Variants in ANP32B observed in about 807,000 individuals in gnomAD.
The protein encoded by ANP32B is acidic nuclear phosphoprotein 32 family member B, also known as acidic leucine-rich nuclear phosphoprotein 32 family member B.
ANP32B carries 6 observed loss-of-function variants against 32.2 expected under a neutral mutation model. That is an observed-to-expected ratio of 0.19 (90% confidence interval 0.10 to 0.37). The LOEUF (loss-of-function observed/expected upper bound fraction) is 0.37. ANP32B is among the 10% of genes least tolerant of loss of function. ANP32B has a pLI of 1.00. For missense variants in ANP32B, 204 were observed against 289.2 expected (o/e 0.71, Z 2.14); for synonymous variants, 98 against 105.8 (o/e 0.93, Z 0.45).
chr9:97,990,348 CT>C (rs2131581995), intron 1 of ANP32B, among the ~76,000 whole-genome samples: 1 of 152,358 alleles, frequency 6.6e-6, no homozygotes, highest in African/African-American at 2.4e-5. Context: ...CTGTTAAGAA[CT>C]TTCAACAACC....
intron 2 of ANP32B, among the ~76,000 whole-genome samples, chr9:97,996,696 C>T (rs1004139517): frequency 6.6e-5 from 10 of 151,968 alleles, no homozygotes; most frequent in African/African-American, 2.2e-4. Context: ...CAGGTTCAAG[C>T]GATTCTCCTG....
intron 6 of ANP32B, among the ~76,000 whole-genome samples, chr9:98,013,619 C>G (rs1048002352): frequency 2.6e-5 from 4 of 152,058 alleles, no homozygotes; most frequent in African/African-American, 9.7e-5. Flanking sequence ...TTAGCTGGGA[C>G]CGGGTGTGGT....
intron 1 of ANP32B, among the ~76,000 whole-genome samples, chr9:97,985,309 AG>A (rs1474303048): frequency 1.3e-5 from 2 of 151,942 alleles, no homozygotes; most frequent in South Asian, 2.1e-4. Context: ...CTAGTCTTTG[AG>A]GTCACCACTA....
intron 2 of ANP32B, among the ~76,000 whole-genome samples, chr9:97,997,455 A>C (rs564432298): frequency 6.6e-6 from 1 of 152,294 alleles, no homozygotes; most frequent in South Asian, 2.1e-4. Flanking sequence ...CTTTCATGCT[A>C]TTCTAGGTAC....
At chr9:97,991,688 C>T (rs187403273) in intron 1 of ANP32B, among the ~76,000 whole-genome samples, 56 of 152,302 alleles carry the variant, frequency 3.7e-4, no homozygotes, top group Non-Finnish European at 7.3e-5. Flanking sequence ...GAACTCTTAA[C>T]TAATAACACA....
chr9:98,015,827 A>C lies in ANP32B; in HGVS notation c.*396A>C, dbSNP rs745539615. 12 of 976,944 alleles carry C rather than the reference A, an allele frequency of 1.2e-5. No homozygotes were observed. The highest frequency in any genetic ancestry group is 1.5e-5 in the Non-Finnish European group (12 of 821,978). The allele number at this position is 976,944 out of a possible 1,614,324, so 60.5% of individuals were successfully genotyped here. A position where few individuals can be genotyped will look rare whatever the true frequency, so the allele number is the denominator to read the frequency against. On this transcript the variant is annotated 3_prime_UTR_variant, in exon 7 of 7. Transcript: ENST00000339399. ...CTTAACATTTTGGGTCTGTTTTTTC[A>C]TGCTTTGCTTTTTAATTATTATTAT...
intron 3 of ANP32B, among the ~76,000 whole-genome samples, chr9:98,001,942 C>G (rs1827999743): frequency 6.6e-6 from 1 of 152,142 alleles, no homozygotes; most frequent in South Asian, 2.1e-4. Context: ...GGCTGAATCC[C>G]TTGTCCAGAG....
At chr9:97,984,227 C>G (rs1370185641) in intron 1 of ANP32B, among the ~76,000 whole-genome samples, 1 of 149,736 alleles carries the variant, frequency 6.7e-6, no homozygotes, top group Non-Finnish European at 1.5e-5. Flanking sequence ...CGCGGCCCGG[C>G]GCGCGGAGCG....
chr9:97,989,691 A>G (rs1255586770), intron 1 of ANP32B, among the ~76,000 whole-genome samples: 2 of 152,180 alleles, frequency 1.3e-5, no homozygotes, highest in African/African-American at 4.8e-5. Flanking sequence ...TCTTGACCCC[A>G]GCTCCACTCA....
intron 6 of ANP32B, among the ~76,000 whole-genome samples, chr9:98,013,706 C>G (rs1439927762): frequency 6.6e-6 from 1 of 151,994 alleles, no homozygotes; most frequent in East Asian, 1.9e-4. Flanking sequence ...CGAGAGCAGC[C>G]TGGCCAACAT....
In ANP32B at chr9:98,012,745, T is replaced by G. The variant is rs1180649834; in HGVS notation, c.688+273T>G. 2.6e-5 allele frequency among the ~76,000 whole-genome samples: 4 copies of G among 152,020 alleles called. No homozygotes were observed. In the East Asian group the frequency reaches 5.8e-4, roughly 22 times the overall value. On this transcript the variant is annotated intron_variant, in intron 6 of 6. Transcript: ENST00000339399. ...CGGGGTGGTGGTGGTGGTGGTGGTG[T>G]TTTGAGACGGAATCTCGCTCTGTTG...
chr9:98,011,500 A>G, intron 5 of ANP32B, 111 bp downstream of exon 5: 2 of 1,383,266 alleles, frequency 1.4e-6, no homozygotes, highest in Non-Finnish European at 1.9e-6. Context: ...AAATTAGTAT[A>G]CCTGTGAATA....
intron 1 of ANP32B, among the ~76,000 whole-genome samples, chr9:97,985,002 G>C (rs1031968437): frequency 1.3e-5 from 2 of 150,794 alleles, no homozygotes; most frequent in African/African-American, 4.9e-5. Flanking sequence ...CGTGGGCGTG[G>C]GTCCGACCTG....
At position 97,983,483 on chromosome 9, in the gene ANP32B, C is replaced by T. The variant is rs3739673; in HGVS notation, c.-73C>T. 5,242 of 1,381,206 alleles carry T rather than the reference C, an allele frequency of 3.8e-3. 93 individuals are homozygous for T. Among genetic ancestry groups the T allele is most frequent in the East Asian group, 0.024 (897 of 37,290 alleles). The allele number at this position is 1,381,206 out of a possible 1,614,324, so 85.6% of individuals were successfully genotyped here. A position where few individuals can be genotyped will look rare whatever the true frequency, so the allele number is the denominator to read the frequency against. On this transcript the variant is annotated 5_prime_UTR_variant, in exon 1 of 7. Coordinates refer to ENST00000339399, the MANE Select transcript of ANP32B (RefSeq NM_006401.3). ...AACCCTTCCGACGGCCCTCGCTGCGCAAGCCGGGACGCCTCTCCCCCCTCC... is the reference window on the plus strand; with the variant it reads ...AACCCTTCCGACGGCCCTCGCTGCGTAAGCCGGGACGCCTCTCCCCCCTCC...
At chr9:98,011,651 A>C (rs933829688) in intron 5 of ANP32B, among the ~76,000 whole-genome samples, 4 of 152,206 alleles carry the variant, frequency 2.6e-5, no homozygotes, top group African/African-American at 9.7e-5. Context: ...GAATGAATTG[A>C]GTATTCAGTG....
chr9:97,984,159 G>A (rs1394107194), intron 1 of ANP32B, among the ~76,000 whole-genome samples: 2 of 150,516 alleles, frequency 1.3e-5, no homozygotes, highest in Non-Finnish European at 3.0e-5. Context: ...CGAGGAGGGG[G>A]CTTTTTTCTT....
rs1827919978 is a variant in ANP32B at position 97,997,224 on chromosome 9, T to C, written c.205-1332T>C. ...TGACTCTATTGATTATGGGCTTATG[T>C]TTTTAAACCTAGACCATGACTATTT... On this transcript the variant is annotated intron_variant, in intron 2 of 6. Coordinates refer to ENST00000339399, the MANE Select transcript of ANP32B (RefSeq NM_006401.3). 3.3e-5 allele frequency among the ~76,000 whole-genome samples: 5 copies of C among 152,226 alleles called. No individual in the cohort carries two copies. The South Asian group carries it at 1.0e-3, about 32-fold the overall frequency.
chr9:98,009,115 A>G (rs748373055), intron 4 of ANP32B, among the ~76,000 whole-genome samples: 3 of 152,184 alleles, frequency 2.0e-5, no homozygotes, highest in Admixed American at 2.0e-4. Flanking sequence ...TTAAAAGGTA[A>G]TGATTTCAAA....
chr9:98,012,713 T>A (rs1587882369), intron 6 of ANP32B, among the ~76,000 whole-genome samples: 1 of 152,076 alleles, frequency 6.6e-6, no homozygotes, highest in Admixed American at 6.5e-5. Flanking sequence ...CCTCATGGGG[T>A]TTTTTTCGGG....
Sources: allele counts gnomAD v4.1 joint callset (sites outside exome capture counted in the v4.1 genomes callset), GRCh38; gene constraint gnomAD v4.1.1; transcripts MANE v1.5; gene names NCBI Gene and HGNC (gene_info 2026-07-23, HGNC 2026-07-21).